KHDRBS2: variants seen among roughly 807,000 people sequenced by gnomAD.
The protein encoded by KHDRBS2 is KH RNA binding domain containing, signal transduction associated 2, also known as KH domain-containing, RNA-binding, signal transduction-associated protein 2.
A neutral mutation model predicts 44.3 loss-of-function variants in KHDRBS2; 26 were observed. That is an observed-to-expected ratio of 0.59 (90% CI 0.43 to 0.81). The LOEUF is 0.81. Among genes scored for constraint, KHDRBS2 ranks in the 40% least tolerant of loss-of-function variants. KHDRBS2 has a pLI of 0.00. For synonymous variants in KHDRBS2, 194 were observed against 151.1 expected (o/e 1.28, Z -2.08); for missense variants, 476 against 433.1 (o/e 1.10, Z -0.88).
chr6:61,588,030 T>C, the KHDRBS2 span, among the ~76,000 whole-genome samples: 6 of 152,214 alleles, frequency 3.9e-5, no homozygotes, highest in South Asian at 6.2e-4. Context: ...ATGAACTGCA[T>C]ATTCTAAGCC....
At chr6:61,584,840 GT>G in the KHDRBS2 span, among the ~76,000 whole-genome samples, 4 of 151,548 alleles carry the variant, frequency 2.6e-5, no homozygotes, top group African/African-American at 4.8e-5. Context: ...AGTTTTGCAT[GT>G]TTTTTTCATG....
At chr6:62,065,158 A>T (rs1198391182) in intron 2 of KHDRBS2, among the ~76,000 whole-genome samples, 2 of 151,500 alleles carry the variant, frequency 1.3e-5, no homozygotes, top group East Asian at 3.9e-4. Flanking sequence ...GATGTGGAGA[A>T]ATAGGAACAC....
chr6:61,819,194 A>ACTG (rs1789480086), intron 6 of KHDRBS2, among the ~76,000 whole-genome samples: 1 of 152,016 alleles, frequency 6.6e-6, no homozygotes, highest in Non-Finnish European at 1.5e-5. Flanking sequence ...AAATGATTTC[A>ACTG]TTCATACAAA....
chr6:61,556,001 T>A, the KHDRBS2 span, among the ~76,000 whole-genome samples: 1 of 152,188 alleles, frequency 6.6e-6, no homozygotes, highest in African/African-American at 2.4e-5. Context: ...CGTTTGCACA[T>A]GCCAGCTGCA....
At chr6:61,582,652 CAAAGAT>C in the KHDRBS2 span, among the ~76,000 whole-genome samples, 5 of 151,296 alleles carry the variant, frequency 3.3e-5, no homozygotes, top group African/African-American at 1.2e-4. Flanking sequence ...CATGATCCAA[CAAAGAT>C]AAATCTTCAT....
the KHDRBS2 span, among the ~76,000 whole-genome samples, chr6:61,560,348 T>A: frequency 6.6e-6 from 1 of 152,176 alleles, no homozygotes; most frequent in Non-Finnish European, 1.5e-5. Context: ...TACTGATAAC[T>A]TCTTCTAGGT....
chr6:62,282,196 A>G (rs1259631380), intron 1 of KHDRBS2, among the ~76,000 whole-genome samples: 1 of 152,202 alleles, frequency 6.6e-6, no homozygotes, highest in African/African-American at 2.4e-5. Context: ...TAGTTAACTC[A>G]CAAGTTTGCA....
At chr6:61,917,916 T>C (rs1274732098) in intron 4 of KHDRBS2, among the ~76,000 whole-genome samples, 2 of 152,012 alleles carry the variant, frequency 1.3e-5, no homozygotes, top group Non-Finnish European at 2.9e-5. Context: ...TAAAAAGTCA[T>C]ATTGCTAAAT....
intron 1 of KHDRBS2, among the ~76,000 whole-genome samples, chr6:62,231,674 A>T (rs1832923878): frequency 6.6e-6 from 1 of 152,220 alleles, no homozygotes; most frequent in South Asian, 2.1e-4. Context: ...GGTGCAGCTG[A>T]AAATAAATTG....
At chr6:62,197,679 C>G (rs141447324) in intron 1 of KHDRBS2, among the ~76,000 whole-genome samples, 117 of 152,102 alleles carry the variant, frequency 7.7e-4, no homozygotes, top group African/African-American at 2.4e-3. Context: ...ACAGATCAAC[C>G]AGACAGAAAG....
At chr6:61,901,221 A>G (rs756108666) in intron 5 of KHDRBS2, 23 bp downstream of exon 5, 2 of 1,602,816 alleles carry the variant, frequency 1.2e-6, no homozygotes, top group Non-Finnish European at 1.7e-6. Flanking sequence ...TCCTTAATTT[A>G]TTTAAAGTAA....
intron 6 of KHDRBS2, among the ~76,000 whole-genome samples, chr6:61,836,010 G>T (rs1335631197): frequency 6.6e-6 from 1 of 151,850 alleles, no homozygotes; most frequent in African/African-American, 2.4e-5. Flanking sequence ...ATGTCAACCT[G>T]CTCTCCTTAA....
chr6:61,945,112 A>AATAT (rs1491476068), intron 4 of KHDRBS2, among the ~76,000 whole-genome samples: 6 of 48,418 alleles, frequency 1.2e-4, no homozygotes, highest in Admixed American at 3.5e-4. Context: ...AAAAAAAAAA[A>AATAT]GTATATATAT....
At chr6:62,128,518 T>C (rs1468605850) in intron 2 of KHDRBS2, among the ~76,000 whole-genome samples, 1 of 151,106 alleles carries the variant, frequency 6.6e-6, no homozygotes, top group Non-Finnish European at 1.5e-5. Flanking sequence ...GTCAAAAATT[T>C]AATGATCTCT....
At chr6:61,618,393 A>C in the KHDRBS2 span, among the ~76,000 whole-genome samples, 2 of 152,216 alleles carry the variant, frequency 1.3e-5, no homozygotes, top group Admixed American at 1.3e-4. Flanking sequence ...CATTTTTAAC[A>C]TATTTTAACT....
intron 3 of KHDRBS2, among the ~76,000 whole-genome samples, chr6:61,988,293 A>G (rs1775453437): frequency 6.6e-6 from 1 of 152,202 alleles, no homozygotes; most frequent in African/African-American, 2.4e-5. Flanking sequence ...TCTACAGAAA[A>G]GTTGATAGGT....
chr6:62,182,277 C>T (rs1244254973), intron 1 of KHDRBS2, among the ~76,000 whole-genome samples: 2 of 151,808 alleles, frequency 1.3e-5, no homozygotes, highest in African/African-American at 2.4e-5. Context: ...CTCATAGAAG[C>T]AAGAAGTATG....
intron 7 of KHDRBS2, among the ~76,000 whole-genome samples, chr6:61,730,112 C>A (rs1210098549): frequency 1.3e-5 from 2 of 152,066 alleles, no homozygotes; most frequent in Non-Finnish European, 2.9e-5. Context: ...TGCATGTACT[C>A]ATTTTCATTT....
At chr6:61,898,566 C>T (rs141927926) in intron 5 of KHDRBS2, among the ~76,000 whole-genome samples, 193 of 151,862 alleles carry the variant, frequency 1.3e-3, no homozygotes, top group African/African-American at 4.5e-3. Context: ...TATGACTATG[C>T]CATGTATGTC....
Sources: allele counts gnomAD v4.1 joint callset (sites outside exome capture counted in the v4.1 genomes callset), GRCh38; gene constraint gnomAD v4.1.1; transcripts MANE v1.5; gene names NCBI Gene and HGNC (gene_info 2026-07-23, HGNC 2026-07-21).